The following CASP4 variants were observed in gnomAD, a reference collection of about 807,000 sequenced individuals.
CASP4 encodes the protein caspase 4, also known as caspase-4.
In CASP4, 29 loss-of-function variants were observed where a neutral mutation model predicts 41.3. That is an observed-to-expected ratio of 0.70 (90% CI 0.52 to 0.96). CASP4 has a LOEUF of 0.96. Among genes scored for constraint, CASP4 ranks in the 40% least tolerant of loss-of-function variants. The pLI, the probability that CASP4 is intolerant of heterozygous loss-of-function variation, is 0.00. For synonymous variants in CASP4, 185 were observed against 158.4 expected (o/e 1.17, Z -1.26); for missense variants, 447 against 460.6 (o/e 0.97, Z 0.27).
intron 4 of CASP4, 94 bp downstream of exon 4, chr11:104,950,831 T>C: frequency 1.6e-6 from 1 of 632,194 alleles, no homozygotes; most frequent in East Asian, 3.8e-5. Flanking sequence ...CACCCAAAGG[T>C]TGTTAAACCT....
At chr11:104,961,342 C>T (rs565408643) in intron 1 of CASP4, among the ~76,000 whole-genome samples, 1 of 152,332 alleles carries the variant, frequency 6.6e-6, no homozygotes, top group East Asian at 1.9e-4. Context: ...GCTGCCAATG[C>T]CTCCTTCCTT....
chr11:104,951,058 G>A lies in CASP4; in HGVS notation c.413C>T (p.Ala138Val). The change falls in exon 4 of 9, where the codon GCT (alanine) becomes GTT (valine). Residue 138 changes from alanine to valine, a missense_variant. Coordinates refer to ENST00000444739, the MANE Select transcript of CASP4 (RefSeq NM_001225.4). ...IKERNNRTRL[A>V]LIICNTEFDH... Reference sequence around the variant, plus strand: ...AAACTCTGTATTGCATATGATGAGAGCCAGGCGTGTGCGGTTGTTTCTCTC... The same window carrying A: ...AAACTCTGTATTGCATATGATGAGAACCAGGCGTGTGCGGTTGTTTCTCTC... The A allele has an allele frequency of 6.2e-7, 1 of 1,613,334 alleles. No individual in the cohort carries two copies. The highest frequency in any genetic ancestry group is 8.5e-7 in the Non-Finnish European group (1 of 1,179,494).
At chr11:104,954,635 T>G (rs1383239834) in intron 2 of CASP4, 112 bp downstream of exon 2, 1 of 1,008,792 alleles carries the variant, frequency 9.9e-7, no homozygotes, top group Non-Finnish European at 1.5e-6. Flanking sequence ...TTAGTGAAAA[T>G]GATAGTTTAG....
At position 104,949,631 on chromosome 11, in the gene CASP4, A is replaced by G; in HGVS notation, c.693T>C (p.Tyr231=). The change falls in exon 5 of 9, where the codon TAT becomes TAC. Residue 231 remains tyrosine, a synonymous_variant. Transcript: ENST00000444739. Reference sequence around the variant, plus strand: ...TGTTGAATATCTGGAAGATGGTGTCATAAAGCAGCACATCTGGTTTTTTCT... The same window carrying G: ...TGTTGAATATCTGGAAGATGGTGTCGTAAAGCAGCACATCTGGTTTTTTCT... ...HDEKKPDVLL[Y]DTIFQIFNNR... 6.2e-7 allele frequency: 1 copy of G among 1,613,986 alleles called. No individual in the cohort carries two copies. The highest frequency in any genetic ancestry group is 8.5e-7 in the Non-Finnish European group (1 of 1,179,888).
At chr11:104,955,553 C>T (rs1025492383) in intron 1 of CASP4, among the ~76,000 whole-genome samples, 5 of 133,762 alleles carry the variant, frequency 3.7e-5, no homozygotes, top group African/African-American at 1.0e-4. Context: ...ACTTAATATG[C>T]TTGCTAAATA....
intron 1 of CASP4, among the ~76,000 whole-genome samples, chr11:104,961,620 C>T (rs546463): frequency 6.6e-6 from 1 of 151,880 alleles, no homozygotes; most frequent in Non-Finnish European, 1.5e-5. Context: ...TCTTGGTTCA[C>T]GAGACTTGTC....
chr11:104,958,661 T>C (rs923074287), intron 1 of CASP4, among the ~76,000 whole-genome samples: 1 of 151,970 alleles, frequency 6.6e-6, no homozygotes, highest in African/African-American at 2.4e-5. Context: ...TTGTACACTG[T>C]TGGTAAAACG....
chr11:104,948,976 A>C, intron 5 of CASP4: 1 of 213,486 alleles, frequency 4.7e-6, no homozygotes, highest in Non-Finnish European at 9.4e-6. Flanking sequence ...TTGGTCTCAA[A>C]TTCCTGGCCT....
chr11:104,955,502 C>T (rs1032486811), intron 1 of CASP4, among the ~76,000 whole-genome samples: 3 of 152,030 alleles, frequency 2.0e-5, no homozygotes, highest in African/African-American at 7.2e-5. Flanking sequence ...TTTTAACTTA[C>T]ATCCTATACC....
At chr11:104,950,886 T>G in intron 4 of CASP4, 39 bp downstream of exon 4, 1 of 1,590,606 alleles carries the variant, frequency 6.3e-7, no homozygotes, top group Non-Finnish European at 8.6e-7. Flanking sequence ...GGATGTGTCT[T>G]GAATATGTAT....
chr11:104,960,615 G>A (rs1022170626), intron 1 of CASP4, among the ~76,000 whole-genome samples: 10 of 152,080 alleles, frequency 6.6e-5, no homozygotes, highest in African/African-American at 2.4e-4. Flanking sequence ...GACTACAGGT[G>A]CACACAACCA....
Position 104,951,108 on chromosome 11 carries a change from A to G in CASP4, c.373-10T>C. The G allele has an allele frequency of 6.2e-7, 1 of 1,606,278 alleles. No homozygotes were observed. Among genetic ancestry groups the G allele is most frequent in the Non-Finnish European group, 8.5e-7 (1 of 1,175,690 alleles). ...CCTTTATTGGATAGATCTGCAGGAT[A>G]TGGAGATGCAATAAATTTAATTTAC... On this transcript the variant is annotated splice_polypyrimidine_tract_variant and intron_variant, in intron 3 of 8. Coordinates refer to ENST00000444739, the MANE Select transcript of CASP4 (RefSeq NM_001225.4).
chr11:104,957,921 A>T (rs1465429445), intron 1 of CASP4, among the ~76,000 whole-genome samples: 1 of 152,188 alleles, frequency 6.6e-6, no homozygotes, highest in Non-Finnish European at 1.5e-5. Flanking sequence ...TCAAAATAGC[A>T]CAATAGTTGC....
At chr11:104,957,140 C>T (rs940732618) in intron 1 of CASP4, among the ~76,000 whole-genome samples, 1 of 151,958 alleles carries the variant, frequency 6.6e-6, no homozygotes, top group Non-Finnish European at 1.5e-5. Flanking sequence ...ATGAAATGGT[C>T]TTATATACGG....
At chr11:104,956,856 A>G (rs1402599848) in intron 1 of CASP4, among the ~76,000 whole-genome samples, 3 of 152,168 alleles carry the variant, frequency 2.0e-5, no homozygotes, top group Non-Finnish European at 2.9e-5. Flanking sequence ...AAACTAATAT[A>G]GTGTTGACTG....
intron 8 of CASP4, chr11:104,944,309 T>G (rs1049202313): frequency 2.4e-5 from 4 of 164,634 alleles, no homozygotes; most frequent in African/African-American, 9.6e-5. Context: ...TACTCTGTTT[T>G]GTTTAGGGTT....
At chr11:104,952,388 C>G (rs1170854753) in intron 2 of CASP4, among the ~76,000 whole-genome samples, 1 of 152,140 alleles carries the variant, frequency 6.6e-6, no homozygotes, top group Non-Finnish European at 1.5e-5. Context: ...TGTCAGAACA[C>G]TATCTACTAC....
At position 104,948,560 on chromosome 11, in the gene CASP4, A is replaced by G. The variant is rs1860519807; in HGVS notation, c.898T>C (p.Phe300Leu). 1 of 1,609,572 alleles carries G rather than the reference A, an allele frequency of 6.2e-7. No homozygotes were observed. Among genetic ancestry groups the G allele is most frequent in the Non-Finnish European group, 8.5e-7 (1 of 1,177,408 alleles). The part of the protein sequence containing the change: ...AVYKTHVEKD[F>L]IAFCSSTPHN... ...GGCGTTGAAGAGCAGAAAGCAATGA[A>G]GTCCTTCTCCACGTGGGTCTTGTAA... Residue 300 changes from phenylalanine (F) to leucine (L), a missense_variant, in exon 6 of 9, where the codon TTC (phenylalanine) becomes CTC (leucine). Phe to Leu is a conservative substitution (Grantham distance 22). Transcript: ENST00000444739.
Position 104,950,906 on chromosome 11 carries a change from G to T in CASP4, c.546+19C>A, listed in dbSNP as rs773616259. On this transcript the variant is annotated intron_variant, in intron 4 of 8. Coordinates refer to ENST00000444739, the MANE Select transcript of CASP4 (RefSeq NM_001225.4). ...TGTCTTGAATATGTATGTGTTTGTG[G>T]CGGCTGAGGGATTCTTACCCTGGCT... 1 of 1,604,574 alleles carries T rather than the reference G, an allele frequency of 6.2e-7. No homozygotes were observed.
Sources: allele counts gnomAD v4.1 joint callset (sites outside exome capture counted in the v4.1 genomes callset), GRCh38; gene constraint gnomAD v4.1.1; transcripts MANE v1.5; gene names NCBI Gene and HGNC (gene_info 2026-07-23, HGNC 2026-07-21).